Variants in GSE1 observed in about 807,000 individuals in gnomAD.
GSE1 encodes Gse1 coiled-coil protein.
GSE1 carries 32 observed loss-of-function variants against 112.6 expected under a neutral mutation model. The observed-to-expected ratio is 0.28, with a 90% confidence interval of 0.21 to 0.38. The LOEUF (loss-of-function observed/expected upper bound fraction) is 0.38. GSE1 is among the 10% of genes least tolerant of loss of function. GSE1 has a pLI of 1.00. For synonymous variants in GSE1, 1,115 were observed against 735.6 expected, an observed-to-expected ratio of 1.52 and a Z score of -8.35; for missense variants, 2,348 against 1,699.2, an observed-to-expected ratio of 1.38 and a Z score of -6.71.
chr16:85,603,104 C>T (rs943613868), intron 1 of GSE1, among the ~76,000 whole-genome samples: 2 of 152,258 alleles, frequency 1.3e-5, no homozygotes, highest in Admixed American at 1.3e-4. Flanking sequence ...TCACGACCTC[C>T]AGCTGCTCAG....
intron 2 of GSE1, among the ~76,000 whole-genome samples, chr16:85,381,890 C>T (rs900126289): frequency 6.6e-6 from 1 of 152,132 alleles, no homozygotes; most frequent in African/African-American, 2.4e-5. Flanking sequence ...CCCTGCCTGA[C>T]ACCCGCCTGG....
At chr16:85,338,743 C>A (rs1256665579) in intron 1 of GSE1, among the ~76,000 whole-genome samples, 5 of 151,950 alleles carry the variant, frequency 3.3e-5, no homozygotes, top group Non-Finnish European at 7.3e-5. Flanking sequence ...GTCATTGTGA[C>A]CATTTTACAG....
At chr16:85,437,371 T>G (rs1025164320) in intron 2 of GSE1, among the ~76,000 whole-genome samples, 1 of 152,114 alleles carries the variant, frequency 6.6e-6, no homozygotes. Flanking sequence ...TTTTCCCTCT[T>G]CTCATTTTTA....
intron 1 of GSE1, among the ~76,000 whole-genome samples, chr16:85,342,744 A>T (rs2046651187): frequency 6.6e-6 from 1 of 152,060 alleles, no homozygotes; most frequent in African/African-American, 2.4e-5. Flanking sequence ...GTTCATAGCC[A>T]CTGGCCTCCC....
At chr16:85,247,360 C>T (rs1316793153) in intron 1 of GSE1, among the ~76,000 whole-genome samples, 4 of 152,276 alleles carry the variant, frequency 2.6e-5, no homozygotes, top group Non-Finnish European at 4.4e-5. Flanking sequence ...GGAAACCCAC[C>T]GCAGCACTGG....
chr16:85,351,784 G>A (rs1288533958), intron 1 of GSE1, among the ~76,000 whole-genome samples: 1 of 152,332 alleles, frequency 6.6e-6, no homozygotes, highest in Non-Finnish European at 1.5e-5. Flanking sequence ...GAAGTCAGGA[G>A]TTCGAGACCA....
chr16:85,171,324 G>C, exon 1 of GSE1: 7 of 985,498 alleles, frequency 7.1e-6, no homozygotes, highest in Non-Finnish European at 8.4e-6. Flanking sequence ...GGGCTGAGCT[G>C]GGCCCCGGGA....
At chr16:85,545,836 A>G (rs1375764412) in intron 2 of GSE1, among the ~76,000 whole-genome samples, 2 of 152,126 alleles carry the variant, frequency 1.3e-5, no homozygotes, top group Non-Finnish European at 2.9e-5. Flanking sequence ...AGGCTGGAGT[A>G]CAGTGGCGTG....
chr16:85,256,056 A>G (rs1907043426), intron 1 of GSE1, among the ~76,000 whole-genome samples: 1 of 152,146 alleles, frequency 6.6e-6, no homozygotes, highest in Admixed American at 6.5e-5. Flanking sequence ...CAGCTTCCCC[A>G]TATGTAAGAT....
chr16:85,234,876 G>T (rs1904431668), intron 1 of GSE1, among the ~76,000 whole-genome samples: 2 of 152,174 alleles, frequency 1.3e-5, no homozygotes, highest in Admixed American at 6.5e-5. Context: ...ATCTGGCTCA[G>T]TTTACACCAA....
chr16:85,281,082 G>T (rs1415712996), intron 1 of GSE1, among the ~76,000 whole-genome samples: 1 of 152,128 alleles, frequency 6.6e-6, no homozygotes, highest in Admixed American at 6.5e-5. Context: ...CTTCAGCAGG[G>T]ACCCAAAATT....
At chr16:85,500,998 G>GTTTTGT (rs2051342042) in intron 2 of GSE1, among the ~76,000 whole-genome samples, 1 of 64,826 alleles carries the variant, frequency 1.5e-5, no homozygotes, top group African/African-American at 6.6e-5. Flanking sequence ...GGCCTGTTCT[G>GTTTTGT]TTTTTTTTTT....
chr16:85,328,506 C>T (rs2046272977), intron 1 of GSE1, among the ~76,000 whole-genome samples: 1 of 152,250 alleles, frequency 6.6e-6, no homozygotes. Context: ...AAGCTCTCAG[C>T]CGACTGGCGG....
chr16:85,331,585 ATATATGTG>A (rs1475598163), intron 1 of GSE1, among the ~76,000 whole-genome samples: 1 of 134,328 alleles, frequency 7.4e-6, no homozygotes, highest in Admixed American at 7.5e-5. Context: ...GTACATGTGT[ATATATGTG>A]TATATGTGTA....
At chr16:85,448,076 C>G (rs779688776) in intron 2 of GSE1, among the ~76,000 whole-genome samples, 22 of 152,198 alleles carry the variant, frequency 1.4e-4, no homozygotes, top group Non-Finnish European at 2.6e-4. Context: ...AGCCCTCTGC[C>G]TCCTCCCAGT....
chr16:85,336,187 T>G (rs1363881443), intron 1 of GSE1, among the ~76,000 whole-genome samples: 2 of 152,200 alleles, frequency 1.3e-5, no homozygotes, highest in Admixed American at 6.5e-5. Context: ...GCATCAAGCC[T>G]TGGTGCTTTA....
At chr16:85,302,351 A>G (rs938020071) in intron 1 of GSE1, among the ~76,000 whole-genome samples, 1 of 152,048 alleles carries the variant, frequency 6.6e-6, no homozygotes, top group East Asian at 1.9e-4. Context: ...AGCAGAATTC[A>G]ATGAATTCGT....
chr16:85,254,683 C>T (rs886265605), intron 1 of GSE1, among the ~76,000 whole-genome samples: 1 of 152,198 alleles, frequency 6.6e-6, no homozygotes, highest in Non-Finnish European at 1.5e-5. Context: ...CCAGGATGAC[C>T]GTGCTCCTGG....
intron 1 of GSE1, among the ~76,000 whole-genome samples, chr16:85,557,663 G>A (rs2045303910): frequency 6.6e-6 from 1 of 151,510 alleles, no homozygotes; most frequent in African/African-American, 2.4e-5. Flanking sequence ...GGGGCAGGAA[G>A]GGGCCTGGAC....
Sources: gnomAD v4.1 joint callset for allele counts (sites outside exome capture counted in the v4.1 genomes callset) on GRCh38, gnomAD v4.1.1 for gene constraint, MANE v1.5 for transcripts, NCBI Gene and HGNC (gene_info 2026-07-23, HGNC 2026-07-21) for gene names.